SPON1: variants seen among roughly 807,000 people sequenced by gnomAD.
SPON1 encodes the protein spondin 1, also known as spondin-1.
A neutral mutation model predicts 111.7 loss-of-function variants in SPON1; 52 were observed. The observed-to-expected ratio is 0.47, with a 90% CI of 0.37 to 0.59. The LOEUF is 0.59. Ranked by LOEUF, SPON1 falls within the 20% of genes least tolerant of loss-of-function variation. The pLI is 0.00. For missense variants in SPON1, 957 were observed against 1,068.5 expected (o/e 0.90, Z 1.46); for synonymous variants, 410 against 395.8 (o/e 1.04, Z -0.43).
chr11:14,042,174 A>G (rs536943232), intron 3 of SPON1, among the ~76,000 whole-genome samples: 1 of 152,166 alleles, frequency 6.6e-6, no homozygotes, highest in Non-Finnish European at 1.5e-5. Flanking sequence ...AATAGGTGAT[A>G]AAAGGTATTA....
chr11:14,045,556 G>C (rs1848662480), intron 3 of SPON1, among the ~76,000 whole-genome samples: 2 of 151,166 alleles, frequency 1.3e-5, no homozygotes, highest in Admixed American at 6.6e-5. Flanking sequence ...TCAGTCTGGG[G>C]GACAGAGTGA....
At chr11:14,029,896 C>T (rs1848546067) in intron 2 of SPON1, among the ~76,000 whole-genome samples, 2 of 152,162 alleles carry the variant, frequency 1.3e-5, no homozygotes, top group South Asian at 4.1e-4. Flanking sequence ...TATTATCAGT[C>T]CCCATTTTAC....
intron 5 of SPON1, among the ~76,000 whole-genome samples, chr11:14,130,073 A>C (rs1847510024): frequency 6.6e-6 from 1 of 152,168 alleles, no homozygotes; most frequent in South Asian, 2.1e-4. Context: ...TCAATCATCA[A>C]ATAGTCAATC....
intron 3 of SPON1, 101 bp from the exon 4 acceptor site, chr11:14,075,244 A>ACTCAAAGC: frequency 2.4e-6 from 2 of 818,348 alleles, no homozygotes; most frequent in East Asian, 2.7e-5. Flanking sequence ...GGGGTGACTC[A>ACTCAAAGC]CTCAAAGCCA....
intron 6 of SPON1, among the ~76,000 whole-genome samples, chr11:14,139,060 A>G (rs1554928483): frequency 6.6e-6 from 1 of 152,186 alleles, no homozygotes; most frequent in Non-Finnish European, 1.5e-5. Flanking sequence ...AAAATGTTTA[A>G]TAGCTTCTCC....
intron 2 of SPON1, among the ~76,000 whole-genome samples, chr11:14,020,982 A>G (rs1383880709): frequency 6.6e-6 from 1 of 152,212 alleles, no homozygotes; most frequent in Non-Finnish European, 1.5e-5. Flanking sequence ...TAATTTAAAA[A>G]GATTTGGCAG....
Position 14,265,765 on chromosome 11 carries a change from A to ATTTAAATTGTGTACGCTAGTT in SPON1, c.*81_*101dup. The ATTTAAATTGTGTACGCTAGTT allele has an allele frequency of 1.6e-5, 24 of 1,494,856 alleles. No homozygotes were observed. The highest frequency in any genetic ancestry group is 2.1e-5 in the Non-Finnish European group (23 of 1,103,534). The allele number at this position is 1,494,856 out of a possible 1,614,324, so 92.6% of individuals were successfully genotyped here. A position where few individuals can be genotyped will look rare whatever the true frequency, so the allele number is the denominator to read the frequency against. On this transcript the variant is annotated 3_prime_UTR_variant, in exon 16 of 16. Coordinates refer to ENST00000576479, the MANE Select transcript of SPON1 (RefSeq NM_006108.4). Reference sequence around the variant, plus strand: ...CTGGATTATTTGCTTGTTTAAGACAATTTAAATTGTGTACGCTAGTTTTCA... The same window carrying ATTTAAATTGTGTACGCTAGTT: ...CTGGATTATTTGCTTGTTTAAGACAATTTAAATTGTGTACGCTAGTTTTTAAATTGTGTACGCTAGTTTTCA...
intron 6 of SPON1, among the ~76,000 whole-genome samples, chr11:14,199,989 C>T (rs2133896096): frequency 6.6e-6 from 1 of 152,318 alleles, no homozygotes; most frequent in East Asian, 1.9e-4. Context: ...GAGACCATGC[C>T]CCATGCGTTT....
At chr11:14,050,573 T>A (rs1848700594) in intron 3 of SPON1, among the ~76,000 whole-genome samples, 1 of 152,202 alleles carries the variant, frequency 6.6e-6, no homozygotes, top group African/African-American at 2.4e-5. Flanking sequence ...AAATTATTGA[T>A]TCTTGTCCTA....
intron 5 of SPON1, among the ~76,000 whole-genome samples, chr11:14,120,183 A>G (rs1479740075): frequency 2.6e-5 from 4 of 152,170 alleles, no homozygotes; most frequent in African/African-American, 9.7e-5. Flanking sequence ...CCATGATTAA[A>G]TAACAATATG....
intron 6 of SPON1, among the ~76,000 whole-genome samples, chr11:14,176,531 C>T (rs1473774876): frequency 6.6e-6 from 1 of 152,062 alleles, no homozygotes; most frequent in Non-Finnish European, 1.5e-5. Flanking sequence ...GGGCTACAGA[C>T]ACCCCACCAT....
chr11:14,064,578 G>A (rs1554920196), intron 3 of SPON1, among the ~76,000 whole-genome samples: 1 of 152,232 alleles, frequency 6.6e-6, no homozygotes, highest in African/African-American at 2.4e-5. Context: ...CAAGACTTCG[G>A]ACTATAACCT....
chr11:13,972,941 C>T (rs897275997), intron 1 of SPON1, among the ~76,000 whole-genome samples: 2 of 148,172 alleles, frequency 1.3e-5, no homozygotes, highest in Non-Finnish European at 3.0e-5. Flanking sequence ...GTCATTCCAT[C>T]TCTCTCTCTC....
intron 6 of SPON1, among the ~76,000 whole-genome samples, chr11:14,199,776 G>A (rs1490632810): frequency 2.6e-5 from 4 of 152,216 alleles, no homozygotes; most frequent in African/African-American, 9.6e-5. Context: ...GAGCATGCCA[G>A]CTATAATCTT....
intron 3 of SPON1, among the ~76,000 whole-genome samples, chr11:14,072,577 A>T (rs1209668267): frequency 6.6e-6 from 1 of 152,158 alleles, no homozygotes; most frequent in Non-Finnish European, 1.5e-5. Context: ...AAGAATAAAC[A>T]TCGAAAGTCT....
At chr11:14,036,449 G>T (rs1196861583) in intron 2 of SPON1, among the ~76,000 whole-genome samples, 1 of 152,140 alleles carries the variant, frequency 6.6e-6, no homozygotes, top group Non-Finnish European at 1.5e-5. Context: ...GTGACCTCCA[G>T]GGTTTCCGAC....
Position 14,228,419 on chromosome 11 carries a change from A to G in SPON1, c.826-14913A>G, listed in dbSNP as rs1349814000. The stretch of plus-strand genomic sequence containing the variant: ...GAAGTTACCAAAGAATGTTCTTGGG[A>G]ACCACAGCTGTGGGAGGCAGGGGAA... On this transcript the variant is annotated intron_variant, in intron 6 of 15. Transcript: ENST00000576479. This position sits in a 1 kb window ranked among gnomAD's most constrained non-coding sequence, Gnocchi z 4.2. Among the ~76,000 whole-genome samples the G allele has an allele frequency of 6.6e-6, 1 of 152,222 alleles. No homozygotes were observed. Among genetic ancestry groups the G allele is most frequent in the African/African-American group, 2.4e-5 (1 of 41,460 alleles).
At position 14,160,547 on chromosome 11, in the gene SPON1, T is replaced by TTACATATATATATTTA. The variant is rs1564919064; in HGVS notation, c.825+24981_825+24982insCATATATATATTTATA. ...TACATATATATATTTATATATATAT[T>TTACATATATATATTTA]TATATATATATTTATATATATATTT... On this transcript the variant is annotated intron_variant, in intron 6 of 15. Transcript: ENST00000576479. 4.0e-3 allele frequency among the ~76,000 whole-genome samples: 92 copies of TTACATATATATATTTA among 23,244 alleles called. 11 individuals carry two copies. Among genetic ancestry groups the TTACATATATATATTTA allele is most frequent in the African/African-American group, 0.02 (86 of 4,200 alleles). The allele number at this position is 23,244 out of a possible 152,430, so 15.2% of individuals were successfully genotyped here.
At chr11:14,120,357 A>G (rs1348524345) in intron 5 of SPON1, among the ~76,000 whole-genome samples, 2 of 152,050 alleles carry the variant, frequency 1.3e-5, no homozygotes, top group African/African-American at 4.8e-5. Flanking sequence ...TCTGTGCTCA[A>G]TATGGCCATG....
Sources: gnomAD v4.1 joint callset for allele counts (sites outside exome capture counted in the v4.1 genomes callset) on GRCh38, gnomAD v4.1.1 for gene constraint, Gnocchi (gnomAD v3.1) non-coding constraint, MANE v1.5 for transcripts, NCBI Gene and HGNC (gene_info 2026-07-23, HGNC 2026-07-21) for gene names.